The following SCN1A variants were observed in gnomAD, a reference collection of about 807,000 sequenced individuals.
SCN1A encodes sodium channel protein type 1 subunit alpha.
A neutral mutation model predicts 193.7 loss-of-function variants in SCN1A; 13 were observed. The ratio of observed to expected loss-of-function variants is 0.07; its 90% CI spans 0.04 to 0.11. The LOEUF is 0.11. Ranked by LOEUF, SCN1A falls within the 10% of genes least tolerant of loss-of-function variation. The pLI, the probability that SCN1A is intolerant of heterozygous loss-of-function variation, is 1.00. For synonymous variants in SCN1A, 781 were observed against 843.6 expected, an observed-to-expected ratio of 0.93 and a Z score of 1.29; for missense variants, 1,432 against 2,451.1, an observed-to-expected ratio of 0.58 and a Z score of 8.78.
At position 166,038,135 on chromosome 2, in the gene SCN1A, G is replaced by A. The variant is rs1402103675; in HGVS notation, c.2590-3C>T. 1.9e-6 allele frequency: 3 copies of A among 1,601,522 alleles called. No individual in the cohort carries two copies. ...TTTGCCAACTTGAAAACTCGCAGCT[G>A]GAAAATGAAAGATTAATATATATTT... On this transcript the variant is annotated splice_polypyrimidine_tract_variant and splice_region_variant and intron_variant, in intron 17 of 28. Transcript: ENST00000674923.
At chr2:166,084,467 T>A (rs1417170945) in intron 2 of SCN1A, among the ~76,000 whole-genome samples, 1 of 151,944 alleles carries the variant, frequency 6.6e-6, no homozygotes, top group Admixed American at 6.6e-5. Flanking sequence ...AAGCCAGGAG[T>A]TATGTAGCTA....
intron 2 of SCN1A, among the ~76,000 whole-genome samples, chr2:166,080,180 A>G (rs1685362655): frequency 6.6e-6 from 1 of 151,752 alleles, no homozygotes; most frequent in Admixed American, 6.6e-5. Flanking sequence ...ATAACAGAAG[A>G]CTTAATTGTC....
chr2:166,084,815 G>A (rs1431148546), intron 2 of SCN1A, among the ~76,000 whole-genome samples: 1 of 152,114 alleles, frequency 6.6e-6, no homozygotes, highest in Non-Finnish European at 1.5e-5. Flanking sequence ...AAGAATGTGT[G>A]TTTGGAAGTC....
At chr2:166,015,443 A>G (rs1193744042) in intron 20 of SCN1A, among the ~76,000 whole-genome samples, 164 bp downstream of exon 20, 2 of 151,978 alleles carry the variant, frequency 1.3e-5, no homozygotes, top group African/African-American at 4.8e-5. Context: ...TAATCAAAGC[A>G]TGACACTAGA....
intron 1 of SCN1A, among the ~76,000 whole-genome samples, chr2:166,146,285 G>T (rs1558919656): frequency 6.6e-6 from 1 of 151,996 alleles, no homozygotes; most frequent in Non-Finnish European, 1.5e-5. Flanking sequence ...GATCTTCAAG[G>T]GTGCAAACAG....
intron 12 of SCN1A, among the ~76,000 whole-genome samples, 153 bp from the exon 13 acceptor site, chr2:166,045,480 T>A (rs1012344426): frequency 1.5e-3 from 17 of 11,456 alleles, no homozygotes; most frequent in African/African-American, 0.01. Context: ...AAGAGGAGAT[T>A]TTTTTTTTCT....
At chr2:166,079,189 T>C (rs887858754) in intron 2 of SCN1A, among the ~76,000 whole-genome samples, 1 of 151,448 alleles carries the variant, frequency 6.6e-6, no homozygotes, top group Non-Finnish European at 1.5e-5. Flanking sequence ...CTGTTCCAAG[T>C]TGGGAGAGGC....
At chr2:165,999,430 A>G (rs1219429986) in intron 25 of SCN1A, among the ~76,000 whole-genome samples, 1 of 151,558 alleles carries the variant, frequency 6.6e-6, no homozygotes, top group African/African-American at 2.4e-5. Flanking sequence ...TACTAATTAT[A>G]TAATGTGTGG....
Position 165,992,543 on chromosome 2 carries a change from C to A in SCN1A, c.4853-121G>T. The A allele has an allele frequency of 5.2e-6, 4 of 773,774 alleles. No homozygotes were observed. In the Admixed American group the frequency reaches 9.5e-5, roughly 18 times the overall value. The allele number at this position is 773,774 out of a possible 1,614,324, so 47.9% of individuals were successfully genotyped here. A position where few individuals can be genotyped will look rare whatever the true frequency, so the allele number is the denominator to read the frequency against. On this transcript the variant is annotated intron_variant, in intron 28 of 28. Coordinates refer to ENST00000674923, the MANE Select transcript of SCN1A (RefSeq NM_001165963.4). This position sits in a 1 kb window ranked among gnomAD's most constrained non-coding sequence, Gnocchi z 6.5. Reference sequence around the variant, plus strand: ...CTGAACCCAGTTATATTAAATATGACAACTATATATAATATATATATAATT... The same window carrying A: ...CTGAACCCAGTTATATTAAATATGAAAACTATATATAATATATATATAATT...
chr2:166,036,244 T>G lies in SCN1A; in HGVS notation c.3233A>C (p.Asp1078Ala), dbSNP rs758221668. The change falls in exon 19 of 29, where the codon GAT becomes GCT. Residue 1078 changes from aspartate (D) to alanine (A), a missense_variant. Asp to Ala is a moderately radical substitution (Grantham distance 126). This residue lies in a region of SCN1A where 198 missense variants were observed against 225.8 expected (regional missense o/e 0.88). Coordinates refer to ENST00000674923, the MANE Select transcript of SCN1A (RefSeq NM_001165963.4). The stretch of plus-strand genomic sequence containing the variant: ...TATACCACTTGTAGTTCCATTTACA[T>G]CTTTAAGATAGTCAAGATCTTTCCC... The part of the protein sequence containing the change: ...EIGKDLDYLK[D>A]VNGTTSGIGT... 6.2e-7 allele frequency: 1 copy of G among 1,613,798 alleles called. No homozygotes were observed. The highest frequency in any genetic ancestry group is 1.3e-5 in the African/African-American group (1 of 74,922).
intron 19 of SCN1A, among the ~76,000 whole-genome samples, chr2:166,026,469 T>G (rs6749076): frequency 0.43 from 65,641 of 151,776 alleles, 16,470 homozygotes; most frequent in East Asian, 0.7. Context: ...TACGAATTCA[T>G]ATAAAATTCT....
intron 2 of SCN1A, among the ~76,000 whole-genome samples, chr2:166,109,156 A>G (rs559996530): frequency 2.6e-5 from 4 of 152,268 alleles, no homozygotes; most frequent in South Asian, 4.1e-4. Flanking sequence ...TGTTCATCTT[A>G]GTATGTTTAT....
chr2:166,054,666 A>G lies in SCN1A; in HGVS notation c.574T>C (p.Trp192Arg). 6.2e-7 allele frequency: 1 copy of G among 1,612,362 alleles called. No individual in the cohort carries two copies. Among genetic ancestry groups the G allele is most frequent in the Non-Finnish European group, 8.5e-7 (1 of 1,178,840 alleles). ...AATGTAATGACAGTGAAATCGAGCCAGTTCCATGGATCCCGAAGGAAAGTA... is the reference window on the plus strand; with the variant it reads ...AATGTAATGACAGTGAAATCGAGCCGGTTCCATGGATCCCGAAGGAAAGTA... ...DFTFLRDPWN[W>R]LDFTVITFAY... The change falls in exon 7 of 29, where the codon TGG (tryptophan) becomes CGG (arginine). Residue 192 changes from tryptophan to arginine, a missense_variant. By Grantham distance (101) the Trp-to-Arg change is moderately radical. Coordinates refer to ENST00000674923, the MANE Select transcript of SCN1A (RefSeq NM_001165963.4).
intron 19 of SCN1A, among the ~76,000 whole-genome samples, chr2:166,028,830 G>C (rs1262689927): frequency 6.6e-6 from 1 of 152,090 alleles, no homozygotes; most frequent in East Asian, 1.9e-4. Flanking sequence ...GCCCTCGTCG[G>C]TTCACAATCA....
At chr2:166,098,643 A>G (rs1314665819) in intron 2 of SCN1A, among the ~76,000 whole-genome samples, 1 of 152,222 alleles carries the variant, frequency 6.6e-6, no homozygotes, top group Non-Finnish European at 1.5e-5. Flanking sequence ...CCTAGATCAA[A>G]TAAACAACTT....
chr2:165,985,227 G>GA (rs754461210), downstream of SCN1A: 3 of 151,264 alleles, frequency 2.0e-5, no homozygotes, highest in Admixed American at 6.6e-5. Flanking sequence ...AAATGAATGG[G>GA]AAAAATTGAT....
intron 2 of SCN1A, among the ~76,000 whole-genome samples, chr2:166,110,828 G>A (rs1055767289): frequency 1.3e-5 from 2 of 152,164 alleles, no homozygotes; most frequent in South Asian, 2.1e-4. Context: ...ATGGGGGCAG[G>A]TCCTTCTCAT....
chr2:166,073,816 C>T, intron 3 of SCN1A, 146 bp from the exon 4 acceptor site: 2 of 632,446 alleles, frequency 3.2e-6, no homozygotes, highest in East Asian at 5.7e-5. Flanking sequence ...AAAATTTTAA[C>T]ACAAATGGTT....
At chr2:166,013,054 T>C (rs1208076101) in intron 21 of SCN1A, among the ~76,000 whole-genome samples, 1 of 151,458 alleles carries the variant, frequency 6.6e-6, no homozygotes, top group Non-Finnish European at 1.5e-5. Flanking sequence ...TCTCTCTCTT[T>C]CTTTCTCTTT....
Sources: gnomAD v4.1 joint callset for allele counts (sites outside exome capture counted in the v4.1 genomes callset) on GRCh38, gnomAD v4.1.1 for gene constraint, gnomAD v4.1.1 regional missense constraint, Gnocchi (gnomAD v3.1) non-coding constraint, MANE v1.5 for transcripts, NCBI Gene and HGNC (gene_info 2026-07-23, HGNC 2026-07-21) for gene names.